Variants in BCR observed in about 807,000 individuals in gnomAD.
The protein encoded by BCR is breakpoint cluster region protein.
Under a neutral mutation model 138.6 loss-of-function variants are expected in BCR, and 58 were observed. That is an observed-to-expected ratio of 0.42 (90% confidence interval 0.34 to 0.52). BCR has a LOEUF of 0.52. Among genes scored for constraint, BCR ranks in the 20% least tolerant of loss-of-function variants. The pLI is 0.06. For synonymous variants in BCR, 786 were observed against 730.1 expected, an observed-to-expected ratio of 1.08 and a Z score of -1.23; for missense variants, 1,599 against 1,727.2, an observed-to-expected ratio of 0.93 and a Z score of 1.32.
intron 4 of BCR, 54 bp from the exon 5 acceptor site, chr22:23,268,354 A>G: frequency 6.9e-7 from 1 of 1,439,528 alleles, no homozygotes. Context: ...GCTCTTCAGA[A>G]AGATGGGGGA....
intron 1 of BCR, among the ~76,000 whole-genome samples, chr22:23,240,113 C>CT (rs974682981): frequency 6.6e-6 from 1 of 151,994 alleles, no homozygotes; most frequent in African/African-American, 2.4e-5. Flanking sequence ...CAGGCCACCT[C>CT]TTTTTTAAAG....
Position 23,253,842 on chromosome 22 carries a change from C to G in BCR, c.1323C>G (p.Asp441Glu), listed in dbSNP as rs756471631. 15 of 1,612,936 alleles carry G rather than the reference C, an allele frequency of 9.3e-6. No individual in the cohort carries two copies. The highest frequency in any genetic ancestry group is 1.2e-5 in the Non-Finnish European group (14 of 1,179,966). Residue 441 changes from aspartate (D) to glutamate (E), a missense_variant, in exon 2 of 23, where the codon GAC becomes GAG. Asp to Glu is a conservative substitution (Grantham distance 45, BLOSUM62 2). Around this residue, in one of 4 missense-constraint regions of BCR, gnomAD observed 590 missense variants for 762.4 expected, o/e 0.77. Transcript: ENST00000305877. ...GTPPGYGCAA[D>E]RAEEQRRHQD... ...CACCTGGATACGGCTGCGCTGCAGA[C>G]CGGGCAGAGGAGCAGCGCCGGCACC...
rs1320631406 is a variant in BCR at position 23,303,994 on chromosome 22, G to A, written c.3013-5430G>A. Among the ~76,000 whole-genome samples the A allele has an allele frequency of 4.1e-5, 6 of 145,238 alleles. No individual in the cohort carries two copies. In the Admixed American group the frequency reaches 4.2e-4, roughly 10 times the overall value. ...CTGTTGCCCAGGTTGGAGTACAGTG[G>A]TGCAACCACACTCAGCACAACCTTG... On this transcript the variant is annotated intron_variant, in intron 16 of 22. Coordinates refer to ENST00000305877, the MANE Select transcript of BCR (RefSeq NM_004327.4).
chr22:23,285,450 T>C (rs1292158064), intron 10 of BCR, among the ~76,000 whole-genome samples: 21 of 152,140 alleles, frequency 1.4e-4, no homozygotes, highest in African/African-American at 5.1e-4. Flanking sequence ...TCCAGAAAAA[T>C]GAAGGGAACT....
At chr22:23,262,138 C>A in intron 4 of BCR, 1 of 152,402 alleles carries the variant, frequency 6.6e-6, no homozygotes. Flanking sequence ...CCATCACACC[C>A]TGTGTGCACA....
chr22:23,244,272 G>A (rs1315678748), intron 1 of BCR, among the ~76,000 whole-genome samples: 1 of 152,166 alleles, frequency 6.6e-6, no homozygotes, highest in Non-Finnish European at 1.5e-5. Flanking sequence ...GACAATCTAG[G>A]GTGATCTCAT....
intron 10 of BCR, 94 bp downstream of exon 10, chr22:23,285,295 T>C: frequency 7.2e-7 from 1 of 1,396,992 alleles, no homozygotes; most frequent in Non-Finnish European, 9.7e-7. Context: ...GTCAGGCCTC[T>C]GGGCCCCAGG....
intron 1 of BCR, among the ~76,000 whole-genome samples, chr22:23,207,135 G>A (rs990440811): frequency 6.6e-6 from 1 of 152,110 alleles, no homozygotes; most frequent in African/African-American, 2.4e-5. Flanking sequence ...ATTTGAAGTT[G>A]ATGTGACACC....
intron 1 of BCR, among the ~76,000 whole-genome samples, chr22:23,204,501 C>G (rs1311110686): frequency 1.3e-5 from 2 of 151,944 alleles, no homozygotes; most frequent in Non-Finnish European, 2.9e-5. Context: ...GCTCTGAGTT[C>G]CCAGCAAATT....
chr22:23,209,629 C>T (rs896575577), intron 1 of BCR, among the ~76,000 whole-genome samples: 1 of 151,640 alleles, frequency 6.6e-6, no homozygotes, highest in Non-Finnish European at 1.5e-5. Flanking sequence ...CTGCAACCTC[C>T]CCTGCCTCCC....
At position 23,261,034 on chromosome 22, in the gene BCR, C is replaced by A; in HGVS notation, c.1546C>A (p.His516Asn). 1 of 1,613,746 alleles carries A rather than the reference C, an allele frequency of 6.2e-7. No individual in the cohort carries two copies. Among genetic ancestry groups the A allele is most frequent in the Non-Finnish European group, 8.5e-7 (1 of 1,179,970 alleles). ...ILASEETYLS[H>N]LEALLLPMKP... The stretch of plus-strand genomic sequence containing the variant: ...GGCTAGCGAGGAGACTTACCTGAGC[C>A]ACCTGGAGGCACTGCTGCTGGTGAG... Residue 516 changes from histidine to asparagine, a missense_variant, in exon 3 of 23, where the codon CAC (histidine) becomes AAC (asparagine). Physicochemically the swap from His to Asn is moderately conservative, Grantham distance 68. This residue lies in a region of BCR where 590 missense variants were observed against 762.4 expected (regional missense o/e 0.77). Coordinates refer to ENST00000305877, the MANE Select transcript of BCR (RefSeq NM_004327.4).
At chr22:23,217,948 C>A (rs2072776072) in intron 1 of BCR, among the ~76,000 whole-genome samples, 2 of 152,162 alleles carry the variant, frequency 1.3e-5, no homozygotes, top group Admixed American at 1.3e-4. Context: ...CAGGCTCCTA[C>A]ATTGCCTTGG....
intron 1 of BCR, among the ~76,000 whole-genome samples, chr22:23,247,009 C>CTGCACCCT (rs1206571542): frequency 6.6e-6 from 1 of 152,118 alleles, no homozygotes; most frequent in Non-Finnish European, 1.5e-5. Flanking sequence ...ACTGTGGACT[C>CTGCACCCT]TGCACCCTTC....
At chr22:23,193,939 G>C (rs1324149059) in intron 1 of BCR, among the ~76,000 whole-genome samples, 1 of 152,220 alleles carries the variant, frequency 6.6e-6, no homozygotes, top group Non-Finnish European at 1.5e-5. Flanking sequence ...ATTGTGAAGT[G>C]ATGCATTGGC....
intron 10 of BCR, among the ~76,000 whole-genome samples, chr22:23,285,483 C>T (rs1187136363): frequency 6.6e-6 from 1 of 152,198 alleles, no homozygotes; most frequent in East Asian, 1.9e-4. Flanking sequence ...TACAGTGCGC[C>T]TTTCACGGGA....
In BCR at chr22:23,290,321, C is replaced by G; in HGVS notation, c.2708-18C>G. On this transcript the variant is annotated intron_variant, in intron 13 of 22. Coordinates refer to ENST00000305877, the MANE Select transcript of BCR (RefSeq NM_004327.4). ...TTCCCGGGACAACAGAAGCTGACCTCTTTGATCTCTTGCGCAGATGATGAG... is the reference window on the plus strand; with the variant it reads ...TTCCCGGGACAACAGAAGCTGACCTGTTTGATCTCTTGCGCAGATGATGAG... 2 of 1,612,336 alleles carry G rather than the reference C, an allele frequency of 1.2e-6. No homozygotes were observed. The highest frequency in any genetic ancestry group is 1.7e-6 in the Non-Finnish European group (2 of 1,178,382).
chr22:23,229,009 T>C lies in BCR; in HGVS notation c.1280-24790T>C, dbSNP rs180765294. Among the ~76,000 whole-genome samples, 527 of 152,334 alleles carry C rather than the reference T, an allele frequency of 3.5e-3. 2 individuals are homozygous for C. Among genetic ancestry groups the C allele is most frequent in the Non-Finnish European group, 5.3e-3 (359 of 68,042 alleles). Reference sequence around the variant, plus strand: ...ACATGAAATTAGACATCAACATCTTTTGATGTTGTTCCATAGATGCTTGAG... The same window carrying C: ...ACATGAAATTAGACATCAACATCTTCTGATGTTGTTCCATAGATGCTTGAG... On this transcript the variant is annotated intron_variant, in intron 1 of 22. Transcript: ENST00000305877.
chr22:23,257,443 C>T (rs9624068), intron 2 of BCR, among the ~76,000 whole-genome samples: 5,281 of 152,328 alleles, frequency 0.035, 319 homozygotes, highest in African/African-American at 0.12. Flanking sequence ...GTCATGGGCC[C>T]TGCTGCCCTA....
At chr22:23,205,390 C>G (rs2072599802) in intron 1 of BCR, among the ~76,000 whole-genome samples, 1 of 152,246 alleles carries the variant, frequency 6.6e-6, no homozygotes, top group Non-Finnish European at 1.5e-5. Flanking sequence ...TCCTTCTCCT[C>G]CTCTCACGGA....
Sources: gnomAD v4.1 joint callset for allele counts (sites outside exome capture counted in the v4.1 genomes callset) on GRCh38, gnomAD v4.1.1 for gene constraint, gnomAD v4.1.1 regional missense constraint, MANE v1.5 for transcripts, NCBI Gene and HGNC (gene_info 2026-07-23, HGNC 2026-07-21) for gene names.